C11orf54: variants seen among roughly 807,000 people sequenced by gnomAD.
C11orf54 encodes beta-keto L-gulonate decarboxylase.
A neutral mutation model predicts 35.5 loss-of-function variants in C11orf54; 29 were observed. The ratio of observed to expected loss-of-function variants is 0.82; its 90% confidence interval spans 0.61 to 1.11. The LOEUF (loss-of-function observed/expected upper bound fraction) is 1.11, where lower values mean the gene tolerates loss of function less well. C11orf54 is among the 50% of genes most tolerant of loss of function. C11orf54 has a pLI of 0.00. For synonymous variants in C11orf54, 108 were observed against 121.1 expected (o/e 0.89, Z 0.71); for missense variants, 373 against 369.2 (o/e 1.01, Z -0.08).
At chr11:93,758,731 C>T (rs989037604) in intron 7 of C11orf54, among the ~76,000 whole-genome samples, 26 of 152,368 alleles carry the variant, frequency 1.7e-4, no homozygotes, top group South Asian at 1.0e-3. Flanking sequence ...GGAAGCTGAG[C>T]GGCGGCTGAG....
At position 93,763,061 on chromosome 11, in the gene C11orf54, A is replaced by G. The variant is rs1943544070; in HGVS notation, c.*1373A>G. On this transcript the variant is annotated 3_prime_UTR_variant, in exon 9 of 9. Coordinates refer to ENST00000354421, the MANE Select transcript of C11orf54 (RefSeq NM_001286069.2). ...TTAAGCACTATTTTGATGCAAAAAA[A>G]TGAATAAAAAATTTAATTTATGATA... 6.6e-6 allele frequency: 1 copy of G among 152,236 alleles called. No homozygotes were observed. 9.4% of individuals were successfully genotyped at this position (152,236 alleles called of 1,614,324 possible).
rs1943582274 is a variant in C11orf54, at chr11:93,764,626, T to C, written c.*2938T>C. ...TTAAATTTTTTCTTAGTTTTCTTTC[T>C]TTATAGAGACAGAGTTTCGCCGTGT... On this transcript the variant is annotated 3_prime_UTR_variant, in exon 9 of 9. Transcript: ENST00000354421. 1 of 152,198 alleles carries C rather than the reference T, an allele frequency of 6.6e-6. No homozygotes were observed. The highest frequency in any genetic ancestry group is 2.4e-5 in the African/African-American group (1 of 41,460). The allele number at this position is 152,198 out of a possible 1,614,324, so 9.4% of individuals were successfully genotyped here.
intron 1 of C11orf54, among the ~76,000 whole-genome samples, chr11:93,743,795 A>T (rs1452505598): frequency 6.6e-6 from 1 of 151,808 alleles, no homozygotes; most frequent in African/African-American, 2.4e-5. Flanking sequence ...TAGTTGGTCT[A>T]CCCCTCCAGG....
Position 93,761,621 on chromosome 11 carries a change from T to G in C11orf54, c.881T>G (p.Phe294Cys), listed in dbSNP as rs1943478169. The change falls in exon 9 of 9, where the codon TTC (phenylalanine) becomes TGC (cysteine). Residue 294 changes from phenylalanine to cysteine, a missense_variant. Transcript: ENST00000354421. Reference sequence around the variant, plus strand: ...GATATAGTGGAATATCTTGGATACTTCTTACCTGCAGAGTTTCTCTATCGC... The same window carrying G: ...GATATAGTGGAATATCTTGGATACTGCTTACCTGCAGAGTTTCTCTATCGC... ...TPDIVEYLGYFLPAEFLYRID... is the reference protein window; with the variant it reads ...TPDIVEYLGYCLPAEFLYRID... 1.2e-6 allele frequency: 2 copies of G among 1,613,390 alleles called. No homozygotes were observed. The highest frequency in any genetic ancestry group is 2.7e-5 in the African/African-American group (2 of 74,888).
At chr11:93,752,367 G>A (rs1942884143) in intron 3 of C11orf54, among the ~76,000 whole-genome samples, 1 of 152,180 alleles carries the variant, frequency 6.6e-6, no homozygotes, top group Non-Finnish European at 1.5e-5. Flanking sequence ...ATGCAGTGGT[G>A]TGTTAGACAT....
intron 8 of C11orf54, 64 bp from the exon 9 acceptor site, chr11:93,761,451 T>A: frequency 1.4e-6 from 2 of 1,421,528 alleles, no homozygotes; most frequent in Non-Finnish European, 1.9e-6. Context: ...TAAAAAGTTA[T>A]CCCTCCCCCT....
chr11:93,746,743 G>A (rs1338451509), intron 1 of C11orf54: 2 of 152,058 alleles, frequency 1.3e-5, no homozygotes, highest in African/African-American at 4.8e-5. Flanking sequence ...TTTTGAAAAA[G>A]TGATAGTCTA....
intron 8 of C11orf54, among the ~76,000 whole-genome samples, chr11:93,761,011 A>G (rs1223072278): frequency 6.6e-6 from 1 of 152,206 alleles, no homozygotes; most frequent in Non-Finnish European, 1.5e-5. Context: ...ACTTAAATAT[A>G]TGCATAATTG....
At chr11:93,752,615 C>T (rs1942899424) in intron 3 of C11orf54, among the ~76,000 whole-genome samples, 1 of 151,964 alleles carries the variant, frequency 6.6e-6, no homozygotes, top group Non-Finnish European at 1.5e-5. Context: ...TTGATCTTTT[C>T]CAGAATTCTT....
At chr11:93,745,185 G>A (rs1409963761) in intron 1 of C11orf54, among the ~76,000 whole-genome samples, 2 of 152,134 alleles carry the variant, frequency 1.3e-5, no homozygotes, top group Non-Finnish European at 2.9e-5. Flanking sequence ...AGGGATATGC[G>A]GGAAACAGAG....
intron 8 of C11orf54, among the ~76,000 whole-genome samples, chr11:93,761,192 A>G (rs1943446558): frequency 6.6e-6 from 1 of 152,160 alleles, no homozygotes; most frequent in African/African-American, 2.4e-5. Context: ...TCAAAACTAT[A>G]TTGTTACATG....
chr11:93,764,175 A>C lies in C11orf54; in HGVS notation c.*2487A>C, dbSNP rs1329647161. ...GCATAAGGGGACGAGGGGTGGGATAAGGCTTAAAAGCCACCAGCAGTCAAA... is the reference window on the plus strand; with the variant it reads ...GCATAAGGGGACGAGGGGTGGGATACGGCTTAAAAGCCACCAGCAGTCAAA... On this transcript the variant is annotated 3_prime_UTR_variant, in exon 9 of 9. Coordinates refer to ENST00000354421, the MANE Select transcript of C11orf54 (RefSeq NM_001286069.2). The C allele has an allele frequency of 6.6e-6, 1 of 152,148 alleles. No individual in the cohort carries two copies. The highest frequency in any genetic ancestry group is 2.1e-4 in the South Asian group (1 of 4,834). 9.4% of individuals were successfully genotyped at this position (152,148 alleles called of 1,614,324 possible). A position where few individuals can be genotyped will look rare whatever the true frequency, so the allele number is the denominator to read the frequency against.
chr11:93,751,927 A>G (rs1001284265), intron 3 of C11orf54, among the ~76,000 whole-genome samples: 2 of 146,870 alleles, frequency 1.4e-5, no homozygotes, highest in African/African-American at 5.0e-5. Flanking sequence ...GCTCACTGCA[A>G]TCTCTGCCTC....
At chr11:93,751,908 A>G (rs1942857556) in intron 3 of C11orf54, among the ~76,000 whole-genome samples, 1 of 140,370 alleles carries the variant, frequency 7.1e-6, no homozygotes, top group African/African-American at 2.7e-5. Context: ...GTACAGTGGC[A>G]CAATCTTGGC....
At chr11:93,760,670 A>AT (rs1418660923) in intron 8 of C11orf54, among the ~76,000 whole-genome samples, 5 of 151,658 alleles carry the variant, frequency 3.3e-5, no homozygotes, top group Non-Finnish European at 7.4e-5. Context: ...TCTTTTTTTT[A>AT]TTTTTTGTGA....
In C11orf54 at chr11:93,747,456, C is replaced by T. The variant is rs754558855; in HGVS notation, c.55+8C>T. On this transcript the variant is annotated splice_region_variant and intron_variant, in intron 2 of 8. Coordinates refer to ENST00000354421, the MANE Select transcript of C11orf54 (RefSeq NM_001286069.2). ...TTGAAGAGCTTGCTGGAGGTAAAAA[C>T]AATATTAACTTTGGATTTTTAAAAA... The T allele has an allele frequency of 1.3e-6, 2 of 1,581,684 alleles. No homozygotes were observed. Among genetic ancestry groups the T allele is most frequent in the South Asian group, 2.3e-5 (2 of 85,872 alleles).
At chr11:93,760,897 G>C (rs550991452) in intron 8 of C11orf54, among the ~76,000 whole-genome samples, 48 of 152,014 alleles carry the variant, frequency 3.2e-4, no homozygotes, top group Admixed American at 3.1e-3. Context: ...GACCTCAAGT[G>C]ATCCGCCCGC....
At chr11:93,751,439 T>C (rs1942823350) in intron 3 of C11orf54, among the ~76,000 whole-genome samples, 2 of 139,506 alleles carry the variant, frequency 1.4e-5, no homozygotes, top group Admixed American at 7.4e-5. Flanking sequence ...AGAGTCTCAC[T>C]CTGTCACCAG....
At position 93,743,370 on chromosome 11, in the gene C11orf54, T is replaced by C. The variant is rs142765362; in HGVS notation, c.-98+1642T>C. On this transcript the variant is annotated intron_variant, in intron 1 of 8. Transcript: ENST00000354421. ...TCTGCCACCCAGGCTGGAGTGCAGT[T>C]GAAGCAGGATATTCCTCTGACCCCT... Among the ~76,000 whole-genome samples, 138 of 152,324 alleles carry C rather than the reference T, an allele frequency of 9.1e-4. 1 individual carries two copies. The East Asian group carries it at 0.022, about 24-fold the overall frequency.
Sources: allele counts gnomAD v4.1 joint callset (sites outside exome capture counted in the v4.1 genomes callset), GRCh38; gene constraint gnomAD v4.1.1; transcripts MANE v1.5; gene names NCBI Gene and HGNC (gene_info 2026-07-23, HGNC 2026-07-21).